The following SPAG16 variants were observed in gnomAD, a reference collection of about 807,000 sequenced individuals.
The protein encoded by SPAG16 is sperm associated antigen 16.
In SPAG16, 86 loss-of-function variants were observed where a neutral mutation model predicts 80.4. The ratio of observed to expected loss-of-function variants is 1.07; its 90% CI spans 0.90 to 1.28. SPAG16 has a LOEUF of 1.28. SPAG16 is among the 50% of genes most tolerant of loss of function. The pLI, the probability that SPAG16 is intolerant of heterozygous loss-of-function variation, is 0.00. For synonymous variants in SPAG16, 294 were observed against 265.9 expected (o/e 1.11, Z -1.03); for missense variants, 870 against 765.3 (o/e 1.14, Z -1.61).
chr2:213,302,898 C>T (rs2062802521), intron 3 of SPAG16, among the ~76,000 whole-genome samples: 4 of 152,040 alleles, frequency 2.6e-5, no homozygotes, highest in Admixed American at 2.6e-4. Flanking sequence ...ATCCTTTAAC[C>T]TGCCCATAAG....
At chr2:213,479,262 C>T (rs903157105) in intron 9 of SPAG16, among the ~76,000 whole-genome samples, 3 of 151,964 alleles carry the variant, frequency 2.0e-5, no homozygotes, top group African/African-American at 2.4e-5. Context: ...CATGAGGCCT[C>T]GCCAGATTGC....
At chr2:214,340,351 G>C (rs1427589210) in intron 15 of SPAG16, among the ~76,000 whole-genome samples, 1 of 152,116 alleles carries the variant, frequency 6.6e-6, no homozygotes, top group Non-Finnish European at 1.5e-5. Flanking sequence ...TTTGCATCAG[G>C]AGCTTTTAAA....
intron 10 of SPAG16, among the ~76,000 whole-genome samples, chr2:213,575,343 G>T (rs2060087153): frequency 1.3e-5 from 2 of 151,786 alleles, no homozygotes; most frequent in South Asian, 4.2e-4. Context: ...GTTTTGTTTT[G>T]GCATAATTAT....
intron 10 of SPAG16, among the ~76,000 whole-genome samples, chr2:213,514,770 GC>G (rs1559210030): frequency 6.6e-6 from 1 of 151,790 alleles, no homozygotes; most frequent in African/African-American, 2.4e-5. Flanking sequence ...GAAATTATTT[GC>G]TAGTGAAGAT....
At chr2:213,781,183 A>T (rs1309248751) in intron 10 of SPAG16, among the ~76,000 whole-genome samples, 2 of 152,128 alleles carry the variant, frequency 1.3e-5, no homozygotes, top group African/African-American at 2.4e-5. Flanking sequence ...CCATCTTCAT[A>T]GTTCCTACCT....
chr2:214,098,710 T>G (rs2052774121), intron 13 of SPAG16, among the ~76,000 whole-genome samples: 1 of 152,094 alleles, frequency 6.6e-6, no homozygotes, highest in African/African-American at 2.4e-5. Flanking sequence ...AGAACACCAC[T>G]CAATATCTGA....
At chr2:213,616,483 C>T (rs1377352912) in intron 10 of SPAG16, among the ~76,000 whole-genome samples, 2 of 152,042 alleles carry the variant, frequency 1.3e-5, no homozygotes, top group Non-Finnish European at 2.9e-5. Flanking sequence ...TATTAGGCAC[C>T]CTGAAAAGAT....
In SPAG16 at chr2:213,995,492, T is replaced by C. The variant is rs76255877; in HGVS notation, c.1401-18459T>C. Among the ~76,000 whole-genome samples, 959 of 152,354 alleles carry C rather than the reference T, an allele frequency of 6.3e-3. 7 individuals are homozygous for C. Among genetic ancestry groups the C allele is most frequent in the African/African-American group, 0.022 (919 of 41,590 alleles). Reference sequence around the variant, plus strand: ...TGTATATCCGTGACACATGAGTCTCTGCCTGCAAATCAGTTATGTAAGAAA... The same window carrying C: ...TGTATATCCGTGACACATGAGTCTCCGCCTGCAAATCAGTTATGTAAGAAA... On this transcript the variant is annotated intron_variant, in intron 12 of 15. Coordinates refer to ENST00000331683, the MANE Select transcript of SPAG16 (RefSeq NM_024532.5).
In SPAG16 at chr2:213,869,027, G is replaced by A. The variant is rs535743794; in HGVS notation, c.1214+6399G>A. On this transcript the variant is annotated intron_variant, in intron 11 of 15. Coordinates refer to ENST00000331683, the MANE Select transcript of SPAG16 (RefSeq NM_024532.5). ...AGCACTTTGGGAGGCTGAGGCAGGCGGATCACCTGAGGTCAGGATTTCGAG... is the reference window on the plus strand; with the variant it reads ...AGCACTTTGGGAGGCTGAGGCAGGCAGATCACCTGAGGTCAGGATTTCGAG... 4.6e-5 allele frequency among the ~76,000 whole-genome samples: 7 copies of A among 151,586 alleles called. No homozygotes were observed. In the South Asian group the frequency reaches 1.3e-3, roughly 27 times the overall value.
intron 3 of SPAG16, among the ~76,000 whole-genome samples, chr2:213,299,451 T>C (rs907459566): frequency 7.2e-6 from 1 of 138,420 alleles, no homozygotes; most frequent in Non-Finnish European, 1.6e-5. Flanking sequence ...TTTTTTTTTT[T>C]GTATTTTTAG....
At chr2:213,847,577 T>C (rs1455282813) in intron 10 of SPAG16, among the ~76,000 whole-genome samples, 4 of 152,184 alleles carry the variant, frequency 2.6e-5, no homozygotes, top group Admixed American at 6.5e-5. Context: ...CTGATGGACC[T>C]AGCTCCGTGA....
chr2:213,470,015 A>G (rs547473155), intron 9 of SPAG16, among the ~76,000 whole-genome samples: 92 of 152,286 alleles, frequency 6.0e-4, no homozygotes, highest in African/African-American at 2.2e-3. Context: ...TTGCTAGTGT[A>G]TCACTAGAAG....
intron 10 of SPAG16, among the ~76,000 whole-genome samples, chr2:213,492,833 A>C (rs1444664135): frequency 6.6e-6 from 1 of 152,174 alleles, no homozygotes. Flanking sequence ...GACAATGATA[A>C]TGGAAATAAT....
At chr2:213,319,078 A>C (rs1456403394) in intron 5 of SPAG16, among the ~76,000 whole-genome samples, 3 of 151,992 alleles carry the variant, frequency 2.0e-5, no homozygotes, top group Non-Finnish European at 4.4e-5. Context: ...GAATCTGCTT[A>C]TCTGAGGCAA....
At chr2:214,325,558 T>G (rs1696414644) in intron 15 of SPAG16, among the ~76,000 whole-genome samples, 1 of 152,184 alleles carries the variant, frequency 6.6e-6, no homozygotes, top group Admixed American at 6.5e-5. Flanking sequence ...CTTAATCTAG[T>G]AACCTAAACC....
intron 10 of SPAG16, among the ~76,000 whole-genome samples, chr2:213,591,971 G>A (rs1298263973): frequency 6.6e-6 from 1 of 152,210 alleles, no homozygotes; most frequent in Non-Finnish European, 1.5e-5. Context: ...TCAAAGCCTG[G>A]TTGAGCAAAG....
In SPAG16 at chr2:214,038,992, G is replaced by A. The variant is rs573877417; in HGVS notation, c.1527+24915G>A. Among the ~76,000 whole-genome samples the A allele has an allele frequency of 3.3e-3, 501 of 152,128 alleles. 3 individuals are homozygous for A. Among genetic ancestry groups the A allele is most frequent in the East Asian group, 0.012 (61 of 5,168 alleles). On this transcript the variant is annotated intron_variant, in intron 13 of 15. Coordinates refer to ENST00000331683, the MANE Select transcript of SPAG16 (RefSeq NM_024532.5). ...AGTCTTTGCTATTGTGAATAGTGCC[G>A]CAATAAACATACGTGTGCATGTGTC...
At chr2:213,314,681 G>A (rs56333652) in intron 4 of SPAG16, among the ~76,000 whole-genome samples, 2,608 of 151,846 alleles carry the variant, frequency 0.017, 45 homozygotes, top group Middle Eastern at 0.031. Context: ...TTTATTTATA[G>A]TATTTAATTT....
intron 10 of SPAG16, among the ~76,000 whole-genome samples, chr2:213,837,534 T>G (rs964140219): frequency 1.3e-5 from 2 of 152,248 alleles, no homozygotes; most frequent in African/African-American, 4.8e-5. Flanking sequence ...GGTAAAATGT[T>G]GCTATTTTGC....
Sources: gnomAD v4.1 joint callset for allele counts (sites outside exome capture counted in the v4.1 genomes callset) on GRCh38, gnomAD v4.1.1 for gene constraint, MANE v1.5 for transcripts, NCBI Gene and HGNC (gene_info 2026-07-23, HGNC 2026-07-21) for gene names.